SEMA5A: variants seen among roughly 807,000 people sequenced by gnomAD.
The protein encoded by SEMA5A is semaphorin-5A.
SEMA5A carries 55 observed loss-of-function variants against 135.5 expected under a neutral mutation model. The ratio of observed to expected loss-of-function variants is 0.41; its 90% CI spans 0.33 to 0.51. SEMA5A has a LOEUF of 0.51. Among genes scored for constraint, SEMA5A ranks in the 20% least tolerant of loss-of-function variants. SEMA5A has a pLI of 0.37. For missense variants in SEMA5A, 1,290 were observed against 1,419.9 expected (o/e 0.91, Z 1.47); for synonymous variants, 580 against 546.5 (o/e 1.06, Z -0.85).
At chr5:9,374,097 T>C (rs555757201) in intron 3 of SEMA5A, among the ~76,000 whole-genome samples, 132 of 152,284 alleles carry the variant, frequency 8.7e-4, no homozygotes, top group Non-Finnish European at 1.4e-3. Flanking sequence ...GGTGCATCTG[T>C]AATGGGTCAG....
At chr5:9,386,246 A>C (rs1210903844) in intron 2 of SEMA5A, among the ~76,000 whole-genome samples, 1 of 152,184 alleles carries the variant, frequency 6.6e-6, no homozygotes, top group African/African-American at 2.4e-5. Context: ...TCCAGCAAAC[A>C]AACCAACCCC....
intron 1 of SEMA5A, among the ~76,000 whole-genome samples, chr5:9,543,769 A>C (rs1036407688): frequency 6.6e-6 from 1 of 152,096 alleles, no homozygotes; most frequent in Non-Finnish European, 1.5e-5. Flanking sequence ...CAAGAAAGAA[A>C]CTCAAGGGAA....
intron 11 of SEMA5A, among the ~76,000 whole-genome samples, chr5:9,156,714 G>C (rs1414908655): frequency 6.6e-6 from 1 of 152,234 alleles, no homozygotes; most frequent in Non-Finnish European, 1.5e-5. Context: ...CACCAGCCTA[G>C]AGTGGCATGG....
intron 6 of SEMA5A, among the ~76,000 whole-genome samples, chr5:9,230,133 T>C (rs1168649797): frequency 2.7e-5 from 4 of 150,862 alleles, no homozygotes; most frequent in Non-Finnish European, 5.9e-5. Flanking sequence ...TACACGTGTA[T>C]GCCACCACCC....
At chr5:9,404,013 CAA>C (rs1187245786) in intron 2 of SEMA5A, among the ~76,000 whole-genome samples, 1 of 152,202 alleles carries the variant, frequency 6.6e-6, no homozygotes, top group Non-Finnish European at 1.5e-5. Context: ...TGGCTCACTG[CAA>C]ACTCTGCCTC....
At position 9,054,094 on chromosome 5, in the gene SEMA5A, G is replaced by A. The variant is rs781743536; in HGVS notation, c.2682C>T (p.Pro894=). 5.6e-6 allele frequency: 9 copies of A among 1,610,040 alleles called. No homozygotes were observed. The Admixed American group carries it at 1.2e-4, about 21-fold the overall frequency. ...AGGTGAGGTGCCGCTTACCTGGGCA[G>A]GGCTGCGTGTTGCAGAGTGCCTCTT... is the stretch of plus-strand genomic sequence containing the variant. ...HTEEALCNTQ[P]CPESWSEWSD... Residue 894 remains proline (P), a synonymous_variant, in exon 19 of 23, where the codon CCC becomes CCT. Transcript: ENST00000382496.
intron 3 of SEMA5A, among the ~76,000 whole-genome samples, chr5:9,358,677 C>A (rs1035851426): frequency 2.0e-5 from 3 of 152,290 alleles, no homozygotes; most frequent in Non-Finnish European, 4.4e-5. Flanking sequence ...CAAAGAGTGG[C>A]TGAATGAATA....
intron 1 of SEMA5A, among the ~76,000 whole-genome samples, chr5:9,462,784 A>G (rs1015436552): frequency 5.3e-5 from 8 of 152,156 alleles, no homozygotes; most frequent in African/African-American, 1.7e-4. Flanking sequence ...GTGAGAACAC[A>G]TGGACACAAA....
chr5:9,122,857 A>C lies in SEMA5A; in HGVS notation c.1600-20T>G. 6.4e-7 allele frequency: 1 copy of C among 1,572,298 alleles called. No individual in the cohort carries two copies. Among genetic ancestry groups the C allele is most frequent in the African/African-American group, 1.4e-5 (1 of 73,716 alleles). On this transcript the variant is annotated intron_variant, in intron 13 of 22. Coordinates refer to ENST00000382496, the MANE Select transcript of SEMA5A (RefSeq NM_003966.3). ...CCTGGTCTAGGAAGCAAAACCAAGC[A>C]GAGGTGTCAGAAAAGGTTAAAGCTG...
At chr5:9,537,055 C>T (rs116597945) in intron 1 of SEMA5A, among the ~76,000 whole-genome samples, 3 of 151,972 alleles carry the variant, frequency 2.0e-5, no homozygotes, top group Non-Finnish European at 4.4e-5. Flanking sequence ...CATTTGGATG[C>T]TTTTCAAAAA....
At chr5:9,117,956 T>C (rs1740610897) in intron 15 of SEMA5A, among the ~76,000 whole-genome samples, 1 of 152,182 alleles carries the variant, frequency 6.6e-6, no homozygotes, top group Non-Finnish European at 1.5e-5. Context: ...GAGTGAAATC[T>C]TAATTGGCAA....
At chr5:9,053,665 C>T (rs1736720912) in intron 19 of SEMA5A, among the ~76,000 whole-genome samples, 1 of 152,216 alleles carries the variant, frequency 6.6e-6, no homozygotes, top group African/African-American at 2.4e-5. Flanking sequence ...CCATGGGGGG[C>T]ACTAAAAATG....
chr5:9,353,354 G>GAAGGGAAGGAAAGGA (rs1754288972), intron 3 of SEMA5A, among the ~76,000 whole-genome samples: 6 of 54,366 alleles, frequency 1.1e-4, no homozygotes, highest in African/African-American at 4.0e-4. Context: ...AAAGGAAAGG[G>GAAGGGAAGGAAAGGA]AAGGAAAGGA....
At position 9,473,643 on chromosome 5, in the gene SEMA5A, G is replaced by A. The variant is rs550032463; in HGVS notation, c.-174-35791C>T. ...GGAAGGAGCTGAAGAGGAGGGGCTG[G>A]GGAGGAGTAAAGGAGAAGAGAAAGA... On this transcript the variant is annotated intron_variant, in intron 1 of 22. Coordinates refer to ENST00000382496, the MANE Select transcript of SEMA5A (RefSeq NM_003966.3). 2.0e-5 allele frequency among the ~76,000 whole-genome samples: 3 copies of A among 152,164 alleles called. No homozygotes were observed. The South Asian group carries it at 6.2e-4, about 32-fold the overall frequency.
In SEMA5A at chr5:9,182,149, G is replaced by GCCCC. The variant is rs766612426; in HGVS notation, c.1273+8114_1273+8117dup. 1.0e-3 allele frequency among the ~76,000 whole-genome samples: 129 copies of GCCCC among 123,048 alleles called. 2 individuals carry two copies. Among genetic ancestry groups the GCCCC allele is most frequent in the African/African-American group, 4.3e-3 (120 of 28,000 alleles). The allele number at this position is 123,048 out of a possible 152,430, so 80.7% of individuals were successfully genotyped here. The stretch of plus-strand genomic sequence containing the variant: ...TGCAACTGCTTGTTTTATTGCTTCT[G>GCCCC]CCCCCCACCCCAAAAAAAAATACGC... On this transcript the variant is annotated intron_variant, in intron 11 of 22. Transcript: ENST00000382496.
Position 9,154,600 on chromosome 5 carries a change from C to T in SEMA5A, c.1369G>A (p.Glu457Lys). 6.2e-7 allele frequency: 1 copy of T among 1,614,004 alleles called. No individual in the cohort carries two copies. Among genetic ancestry groups the T allele is most frequent in the Non-Finnish European group, 8.5e-7 (1 of 1,180,020 alleles). The part of the protein sequence containing the change: ...EIELFPERRR[E>K]PIRSLQILHS... ...AGGATCTGCAGGCTCCTGATGGGCT[C>T]CCTCCGCCTCTCAGGGAAGAGCTCA... Residue 457 changes from glutamate (E) to lysine (K), a missense_variant, in exon 12 of 23, where the codon GAG becomes AAG. Physicochemically the swap from Glu to Lys is moderately conservative, Grantham distance 56 (BLOSUM62 1). This residue lies in a region of SEMA5A where 1,029 missense variants were observed against 1,086.6 expected (regional missense o/e 0.95). Coordinates refer to ENST00000382496, the MANE Select transcript of SEMA5A (RefSeq NM_003966.3).
intron 4 of SEMA5A, among the ~76,000 whole-genome samples, chr5:9,324,170 G>A (rs371381609): frequency 1.8e-4 from 27 of 151,888 alleles, no homozygotes; most frequent in Admixed American, 5.2e-4. Context: ...CTGGGTTCAC[G>A]CCATTCTCCT....
chr5:9,089,730 C>T (rs1251016577), intron 16 of SEMA5A, among the ~76,000 whole-genome samples: 1 of 152,154 alleles, frequency 6.6e-6, no homozygotes, highest in African/African-American at 2.4e-5. Flanking sequence ...AACAGAAAGG[C>T]TTCTAACCTT....
chr5:9,382,054 G>T (rs1190767032), intron 2 of SEMA5A, among the ~76,000 whole-genome samples: 2 of 151,456 alleles, frequency 1.3e-5, no homozygotes, highest in African/African-American at 4.9e-5. Flanking sequence ...CTAGCACTTT[G>T]GGAGGCTGAG....
Sources: gnomAD v4.1 joint callset for allele counts (sites outside exome capture counted in the v4.1 genomes callset) on GRCh38, gnomAD v4.1.1 for gene constraint, gnomAD v4.1.1 regional missense constraint, MANE v1.5 for transcripts, NCBI Gene and HGNC (gene_info 2026-07-23, HGNC 2026-07-21) for gene names.